Variants in CCDC83 observed in about 807,000 individuals in gnomAD.
The protein encoded by CCDC83 is coiled-coil domain containing 83.
Under a neutral mutation model 50.1 loss-of-function variants are expected in CCDC83, and 54 were observed. That is an observed-to-expected ratio of 1.08 (90% CI 0.87 to 1.35). The LOEUF is 1.35. Among genes scored for constraint, CCDC83 ranks in the 40% most tolerant of loss-of-function variants. The pLI, the probability that CCDC83 is intolerant of heterozygous loss-of-function variation, is 0.00. For synonymous variants in CCDC83, 161 were observed against 153.3 expected (o/e 1.05, Z -0.37); for missense variants, 518 against 473.9 (o/e 1.09, Z -0.86).
chr11:85,902,481 G>T (rs535822415), intron 7 of CCDC83, among the ~76,000 whole-genome samples: 1 of 152,280 alleles, frequency 6.6e-6, no homozygotes, highest in Non-Finnish European at 1.5e-5. Context: ...TAATTGTGTT[G>T]CAGGCCTAAA....
chr11:85,916,281 T>C, intron 10 of CCDC83, 48 bp downstream of exon 10: 2 of 1,259,776 alleles, frequency 1.6e-6, no homozygotes, highest in Non-Finnish European at 2.3e-6. Context: ...AATGCTGTTT[T>C]GAGAAATGCT....
intron 5 of CCDC83, among the ~76,000 whole-genome samples, chr11:85,888,560 T>C (rs2093337606): frequency 6.6e-6 from 1 of 152,204 alleles, no homozygotes; most frequent in South Asian, 2.1e-4. Context: ...TTTTTCCCAT[T>C]TGTCATTAGT....
At position 85,873,247 on chromosome 11, in the gene CCDC83, G is replaced by A. The variant is rs780980294; in HGVS notation, c.132G>A (p.Met44Ile). Residue 44 changes from methionine (M) to isoleucine (I), a missense_variant, in exon 3 of 11, where the codon ATG becomes ATA. By Grantham distance (10) the Met-to-Ile change is conservative. Coordinates refer to ENST00000342404, the MANE Select transcript of CCDC83 (RefSeq NM_001286159.2). ...AGGAAGATGCCGTGGAGCAATTCAT[G>A]TTTCAAATAAAGACACTTAGGAAAA... The part of the protein sequence containing the change: ...QIKEDAVEQF[M>I]FQIKTLRKKN... The A allele has an allele frequency of 1.3e-6, 2 of 1,562,564 alleles. No individual in the cohort carries two copies. Among genetic ancestry groups the A allele is most frequent in the African/African-American group, 2.8e-5 (2 of 72,726 alleles).
chr11:85,916,001 T>C (rs777128363), intron 9 of CCDC83, 27 bp from the exon 10 acceptor site: 1 of 1,447,272 alleles, frequency 6.9e-7, no homozygotes, highest in South Asian at 1.2e-5. Context: ...AATGTATACA[T>C]AATTAATTCC....
rs903988443 is a variant in CCDC83, at chr11:85,919,787, C to A, written c.*277C>A. 18 of 307,606 alleles carry A rather than the reference C, an allele frequency of 5.9e-5. No individual in the cohort carries two copies. The highest frequency in any genetic ancestry group is 8.3e-5 in the Non-Finnish European group (14 of 169,392). The allele number at this position is 307,606 out of a possible 1,614,324, so 19.1% of individuals were successfully genotyped here. A position where few individuals can be genotyped will look rare whatever the true frequency, so the allele number is the denominator to read the frequency against. On this transcript the variant is annotated 3_prime_UTR_variant, in exon 11 of 11. Coordinates refer to ENST00000342404, the MANE Select transcript of CCDC83 (RefSeq NM_001286159.2). ...AGTCTCTGAGGTTCCTTTTCACACA[C>A]AAAAAATTCACTGATTAATCTGTGA...
At chr11:85,870,104 G>A (rs140230080) in intron 2 of CCDC83, among the ~76,000 whole-genome samples, 84 of 152,334 alleles carry the variant, frequency 5.5e-4, no homozygotes, top group African/African-American at 2.0e-3. Flanking sequence ...CTTAAGTGTG[G>A]GGATGCCAGT....
chr11:85,885,035 T>A (rs1592158799), intron 4 of CCDC83, among the ~76,000 whole-genome samples: 5 of 152,168 alleles, frequency 3.3e-5, no homozygotes, highest in Admixed American at 3.3e-4. Flanking sequence ...ACATAGTGAA[T>A]GAAACCCTGT....
Position 85,919,508 on chromosome 11 carries a change from T to A in CCDC83, c.1240T>A (p.Ter414LysextTer13). 6.2e-7 allele frequency: 1 copy of A among 1,604,062 alleles called. No homozygotes were observed. Among genetic ancestry groups the A allele is most frequent in the Non-Finnish European group, 8.5e-7 (1 of 1,175,368 alleles). Residue 414 changes from the stop codon to lysine, a stop_lost, in exon 11 of 11, where the codon TAA (stop) becomes AAA (lysine). Coordinates refer to ENST00000342404, the MANE Select transcript of CCDC83 (RefSeq NM_001286159.2). Reference protein sequence around the residue: ...ITYKMMKSFL* With the variant: ...ITYKMMKSFLK Reference sequence around the variant, plus strand: ...ATATAAGATGATGAAGTCTTTTCTCTAAGACGGAAAGCTGCAAAGGAAACA... The same window carrying A: ...ATATAAGATGATGAAGTCTTTTCTCAAAGACGGAAAGCTGCAAAGGAAACA...
intron 7 of CCDC83, 40 bp from the exon 8 acceptor site, chr11:85,911,241 T>A: frequency 7.0e-7 from 1 of 1,420,176 alleles, no homozygotes; most frequent in Non-Finnish European, 9.4e-7. Flanking sequence ...TAGAACTGAA[T>A]CAATAAGTAC....
chr11:85,872,289 A>G (rs1248605806), intron 2 of CCDC83, among the ~76,000 whole-genome samples: 3 of 152,110 alleles, frequency 2.0e-5, no homozygotes, highest in Non-Finnish European at 2.9e-5. Context: ...GTTTGAGACC[A>G]GCCTGGCCAA....
chr11:85,912,736 T>C, intron 8 of CCDC83: 1 of 1,599,640 alleles, frequency 6.3e-7, no homozygotes, highest in East Asian at 2.2e-5. Context: ...CTGCCAGGCG[T>C]TGCTGGTATG....
At chr11:85,896,643 C>G (rs935362111) in intron 6 of CCDC83, among the ~76,000 whole-genome samples, 1 of 151,866 alleles carries the variant, frequency 6.6e-6, no homozygotes, top group Non-Finnish European at 1.5e-5. Context: ...ATACCCAAAC[C>G]TAAAAGAGTA....
In CCDC83 at chr11:85,882,597, G is replaced by C; in HGVS notation, c.265G>C (p.Val89Leu). 1.9e-6 allele frequency: 3 copies of C among 1,613,988 alleles called. No individual in the cohort carries two copies. Among genetic ancestry groups the C allele is most frequent in the Non-Finnish European group, 2.5e-6 (3 of 1,179,900 alleles). ...LSEEKAEGLP[V>L]VTREDVEEAM... ...TGAAGAGAAGGCAGAGGGATTGCCAGTTGTAACAAGAGAGGATGTTGAAGA... is the reference window on the plus strand; with the variant it reads ...TGAAGAGAAGGCAGAGGGATTGCCACTTGTAACAAGAGAGGATGTTGAAGA... Residue 89 changes from valine (V) to leucine (L), a missense_variant, in exon 4 of 11, where the codon GTT (valine) becomes CTT (leucine). Transcript: ENST00000342404.
At chr11:85,860,301 CAAAAAAAAAAA>C (rs56657675) in intron 1 of CCDC83, among the ~76,000 whole-genome samples, 1 of 55,946 alleles carries the variant, frequency 1.8e-5, no homozygotes, top group Non-Finnish European at 3.7e-5. Flanking sequence ...GACTCCGTCT[CAAAAAAAAAAA>C]AAAAAAAAAA....
At chr11:85,890,500 TTC>T (rs2093346530) in intron 5 of CCDC83, among the ~76,000 whole-genome samples, 1 of 152,152 alleles carries the variant, frequency 6.6e-6, no homozygotes. Flanking sequence ...TGTTACCAAC[TTC>T]TAAGGACAGT....
At chr11:85,904,445 C>G (rs75602052) in intron 7 of CCDC83, among the ~76,000 whole-genome samples, 291 of 152,308 alleles carry the variant, frequency 1.9e-3, no homozygotes, top group African/African-American at 6.6e-3. Flanking sequence ...CCAATCTACC[C>G]TTCTACTTGA....
intron 3 of CCDC83, among the ~76,000 whole-genome samples, chr11:85,878,623 T>C (rs994862616): frequency 6.6e-6 from 1 of 152,250 alleles, no homozygotes; most frequent in Non-Finnish European, 1.5e-5. Context: ...ACATTTTACA[T>C]AAAGCTAATA....
chr11:85,885,879 C>A (rs946643457), intron 4 of CCDC83, among the ~76,000 whole-genome samples: 1 of 152,158 alleles, frequency 6.6e-6, no homozygotes, highest in South Asian at 2.1e-4. Context: ...ATATGATACA[C>A]TGTACAAAAT....
chr11:85,870,882 G>C (rs1238234571), intron 2 of CCDC83, among the ~76,000 whole-genome samples: 1 of 152,050 alleles, frequency 6.6e-6, no homozygotes, highest in African/African-American at 2.4e-5. Flanking sequence ...AATTATCTCT[G>C]TAGGCCAGGC....
Sources: gnomAD v4.1 joint callset for allele counts (sites outside exome capture counted in the v4.1 genomes callset) on GRCh38, gnomAD v4.1.1 for gene constraint, MANE v1.5 for transcripts, NCBI Gene and HGNC (gene_info 2026-07-23, HGNC 2026-07-21) for gene names.